Variants in KIAA1217 observed in about 807,000 individuals in gnomAD.
KIAA1217 encodes the protein sickle tail protein homolog.
KIAA1217 carries 88 observed loss-of-function variants against 163.9 expected under a neutral mutation model. The ratio of observed to expected loss-of-function variants is 0.54; its 90% confidence interval spans 0.45 to 0.64. KIAA1217 has a LOEUF of 0.64. Among genes scored for constraint, KIAA1217 ranks in the 30% least tolerant of loss-of-function variants. The pLI, the probability that KIAA1217 is intolerant of heterozygous loss-of-function variation, is 0.00. For synonymous variants in KIAA1217, 903 were observed against 923.1 expected, an observed-to-expected ratio of 0.98 and a Z score of 0.39; for missense variants, 2,372 against 2,475.0, an observed-to-expected ratio of 0.96 and a Z score of 0.88.
chr10:24,493,076 C>T (rs2066350952), intron 6 of KIAA1217, among the ~76,000 whole-genome samples: 1 of 152,194 alleles, frequency 6.6e-6, no homozygotes, highest in South Asian at 2.1e-4. Context: ...GAAGTTCTGA[C>T]CTCAGGTGAT....
At chr10:23,838,552 C>T (rs1323287500) in intron 1 of KIAA1217, among the ~76,000 whole-genome samples, 3 of 152,076 alleles carry the variant, frequency 2.0e-5, no homozygotes, top group South Asian at 2.1e-4. Flanking sequence ...CCTCCGCCTC[C>T]GAGGCTCAAG....
intron 2 of KIAA1217, among the ~76,000 whole-genome samples, chr10:24,380,492 A>G (rs2053146571): frequency 6.6e-6 from 1 of 151,936 alleles, no homozygotes; most frequent in Non-Finnish European, 1.5e-5. Flanking sequence ...AAACACAAAA[A>G]CTAGCCAGGC....
At chr10:24,090,989 C>T (rs2061918070) in intron 2 of KIAA1217, among the ~76,000 whole-genome samples, 2 of 151,878 alleles carry the variant, frequency 1.3e-5, no homozygotes, top group South Asian at 4.1e-4. Context: ...GTCTCAAAGC[C>T]TTTTCCAAAA....
chr10:24,247,716 G>C (rs1258436649), intron 2 of KIAA1217, among the ~76,000 whole-genome samples: 2 of 152,124 alleles, frequency 1.3e-5, no homozygotes, highest in Non-Finnish European at 2.9e-5. Flanking sequence ...CAGGAGAATG[G>C]CATGAACCCG....
At chr10:24,238,243 C>T (rs2131240786) in intron 2 of KIAA1217, among the ~76,000 whole-genome samples, 1 of 152,330 alleles carries the variant, frequency 6.6e-6, no homozygotes, top group South Asian at 2.1e-4. Context: ...TGCTGAGTTC[C>T]TCTGAAGAAC....
rs542938899 is a variant in KIAA1217, at chr10:24,040,866, G to C, written c.-171+33492G>C. On this transcript the variant is annotated intron_variant, in intron 2 of 18. Transcript: ENST00000376462. The stretch of plus-strand genomic sequence containing the variant: ...ATTTATTGAGTGCTACCATGTGCCC[G>C]ACAAGGTGCAGAGTTGTCATTTCAG... Among the ~76,000 whole-genome samples the C allele has an allele frequency of 1.7e-4, 26 of 152,326 alleles. No individual in the cohort carries two copies. In the South Asian group the frequency reaches 3.7e-3, roughly 22 times the overall value.
chr10:23,958,673 G>C (rs1844677037), intron 1 of KIAA1217, among the ~76,000 whole-genome samples: 1 of 152,132 alleles, frequency 6.6e-6, no homozygotes, highest in Non-Finnish European at 1.5e-5. Context: ...GAGAGAGAGA[G>C]AGAGTGAGAG....
At chr10:23,731,439 C>T (rs1230162530) in intron 1 of KIAA1217, among the ~76,000 whole-genome samples, 3 of 152,168 alleles carry the variant, frequency 2.0e-5, no homozygotes, top group Non-Finnish European at 4.4e-5. Flanking sequence ...ACTACCCATT[C>T]TCTGTGGACT....
chr10:24,528,464 G>A (rs1181343528), intron 14 of KIAA1217, among the ~76,000 whole-genome samples: 4 of 151,970 alleles, frequency 2.6e-5, no homozygotes, highest in African/African-American at 7.3e-5. Context: ...AGCTAGGGCT[G>A]TAGATGTGTA....
rs767447375 is a variant in KIAA1217, at chr10:24,545,886, T to C, written c.5394T>C (p.Pro1798=). The C allele has an allele frequency of 3.7e-5, 59 of 1,613,754 alleles. No homozygotes were observed. The highest frequency in any genetic ancestry group is 2.5e-6 in the Non-Finnish European group (3 of 1,179,914). The change falls in exon 21 of 21, where the codon CCT becomes CCC. Residue 1798 remains proline (P), a synonymous_variant. Coordinates refer to ENST00000376454, the MANE Select transcript of KIAA1217 (RefSeq NM_019590.5). ...GDFKPTSPSL[P]ASKIPALSPS... is the part of the protein sequence containing the mutation. Reference sequence around the variant, plus strand: ...TTAAGCCTACTTCCCCCTCCTTACCTGCTTCTAAGATTCCAGCCCTTTCTC... The same window carrying C: ...TTAAGCCTACTTCCCCCTCCTTACCCGCTTCTAAGATTCCAGCCCTTTCTC...
At chr10:23,744,480 C>T (rs1255620389) in intron 1 of KIAA1217, among the ~76,000 whole-genome samples, 2 of 152,250 alleles carry the variant, frequency 1.3e-5, no homozygotes, top group Admixed American at 6.5e-5. Context: ...CCAAAGGTCA[C>T]ACTTTTATTG....
intron 2 of KIAA1217, among the ~76,000 whole-genome samples, chr10:24,130,511 A>G (rs1272833580): frequency 6.6e-6 from 1 of 152,202 alleles, no homozygotes; most frequent in Non-Finnish European, 1.5e-5. Context: ...TGATGATGGT[A>G]GTATCCAACT....
intron 1 of KIAA1217, among the ~76,000 whole-genome samples, chr10:23,741,272 T>C (rs1214244492): frequency 1.3e-5 from 2 of 151,912 alleles, no homozygotes; most frequent in East Asian, 1.9e-4. Context: ...TCAGAGAGAA[T>C]ACACACTCTG....
rs1204442533 is a variant in KIAA1217, at chr10:23,818,004, T to C, written c.-321+122770T>C. On this transcript the variant is annotated intron_variant, in intron 1 of 18. Coordinates refer to the KIAA1217 transcript ENST00000376462. ...ATATATATATATATATATATATATA[T>C]ATATACACACATATATATACACACA... Among the ~76,000 whole-genome samples the C allele has an allele frequency of 5.9e-3, 618 of 104,766 alleles. 15 individuals carry two copies. The highest frequency in any genetic ancestry group is 0.021 in the African/African-American group (506 of 24,258). 68.7% of individuals were successfully genotyped at this position (104,766 alleles called of 152,430 possible). A position where few individuals can be genotyped will look rare whatever the true frequency, so the allele number is the denominator to read the frequency against.
intron 1 of KIAA1217, among the ~76,000 whole-genome samples, chr10:23,789,236 T>C (rs1399410670): frequency 6.7e-6 from 1 of 150,114 alleles, no homozygotes; most frequent in Non-Finnish European, 1.5e-5. Flanking sequence ...GTGACTTTTA[T>C]TTTTAATCTT....
intron 2 of KIAA1217, among the ~76,000 whole-genome samples, chr10:24,193,915 C>T (rs576415771): frequency 7.8e-5 from 11 of 140,880 alleles, no homozygotes; most frequent in African/African-American, 2.9e-4. Flanking sequence ...AGGCCAGGTG[C>T]GGTGGTTCAC....
At chr10:23,979,693 C>A (rs1297911746) in intron 1 of KIAA1217, among the ~76,000 whole-genome samples, 1 of 152,132 alleles carries the variant, frequency 6.6e-6, no homozygotes, top group Non-Finnish European at 1.5e-5. Flanking sequence ...GCCTCTCTCA[C>A]AGGCTTGTCT....
At chr10:24,284,794 T>C (rs2078367439) in intron 2 of KIAA1217, among the ~76,000 whole-genome samples, 1 of 152,210 alleles carries the variant, frequency 6.6e-6, no homozygotes, top group Non-Finnish European at 1.5e-5. Flanking sequence ...ATTCTGTTTT[T>C]AGTTCTTTAT....
chr10:24,523,412 A>C (rs1360314031), intron 12 of KIAA1217, among the ~76,000 whole-genome samples: 1 of 152,156 alleles, frequency 6.6e-6, no homozygotes, highest in Non-Finnish European at 1.5e-5. Flanking sequence ...AATCTAAGGG[A>C]TTGGGGTAAA....
Sources: gnomAD v4.1 joint callset for allele counts (sites outside exome capture counted in the v4.1 genomes callset) on GRCh38, gnomAD v4.1.1 for gene constraint, MANE v1.5 for transcripts, NCBI Gene and HGNC (gene_info 2026-07-23, HGNC 2026-07-21) for gene names.